FHOD3: variants seen among roughly 807,000 people sequenced by gnomAD.
The protein encoded by FHOD3 is formin homology 2 domain containing 3.
In FHOD3, 90 loss-of-function variants were observed where a neutral mutation model predicts 173.0. That is an observed-to-expected ratio of 0.52 (90% CI 0.44 to 0.62). FHOD3 has a LOEUF of 0.62. Among genes scored for constraint, FHOD3 ranks in the 20% least tolerant of loss-of-function variants. The probability of loss-of-function intolerance (pLI) is 0.00; values close to 1 mark genes in which losing one functional copy is unlikely to be tolerated. For synonymous variants in FHOD3, 828 were observed against 823.0 expected, an observed-to-expected ratio of 1.01 and a Z score of -0.10; for missense variants, 1,945 against 2,034.7, an observed-to-expected ratio of 0.96 and a Z score of 0.85.
chr18:36,572,599 A>G (rs1346351455), intron 5 of FHOD3, among the ~76,000 whole-genome samples: 1 of 152,230 alleles, frequency 6.6e-6, no homozygotes, highest in Non-Finnish European at 1.5e-5. Context: ...CACCTCTTCC[A>G]GTATGATCCA....
chr18:36,779,518 G>C lies in FHOD3; in HGVS notation c.4857G>C (p.Glu1619Asp). ...CCCTGGGCTTGGTTGGCACCTCGGA[G>C]TTGCAGCTGTGACACTCATAGGTTA... ...ARALGLVGTS[E>D]LQL Residue 1619 changes from glutamate (E) to aspartate (D), a missense_variant, in exon 29 of 29, where the codon GAG becomes GAC. Glu to Asp is a conservative substitution (Grantham distance 45). Transcript: ENST00000590592. 6.2e-7 allele frequency: 1 copy of C among 1,614,180 alleles called. No individual in the cohort carries two copies. Among genetic ancestry groups the C allele is most frequent in the Non-Finnish European group, 8.5e-7 (1 of 1,180,026 alleles).
At chr18:36,545,383 A>G (rs946531379) in intron 5 of FHOD3, among the ~76,000 whole-genome samples, 8 of 152,252 alleles carry the variant, frequency 5.3e-5, no homozygotes, top group African/African-American at 1.4e-4. Flanking sequence ...GTGGGCAGAC[A>G]CTATTTATAC....
At position 36,754,956 on chromosome 18, in the gene FHOD3, G is replaced by A. The variant is rs61178236; in HGVS notation, c.4233-163G>A. Among the ~76,000 whole-genome samples, 365 of 148,582 alleles carry A rather than the reference G, an allele frequency of 2.5e-3. 1 individual carries two copies. Among genetic ancestry groups the A allele is most frequent in the African/African-American group, 8.6e-3 (350 of 40,524 alleles). On this transcript the variant is annotated intron_variant, in intron 24 of 28. Transcript: ENST00000590592. The stretch of plus-strand genomic sequence containing the variant: ...ATGAAGGACAGTGTCTTCTTACTGA[G>A]AGTGTGGCTTGTTGGTTTCTTTATT...
intron 5 of FHOD3, among the ~76,000 whole-genome samples, chr18:36,571,785 G>A (rs543849680): frequency 6.6e-6 from 1 of 152,104 alleles, no homozygotes; most frequent in Non-Finnish European, 1.5e-5. Flanking sequence ...GCATTAGTTG[G>A]ACCTATGAAA....
chr18:36,761,704 C>A (rs1022194721), intron 27 of FHOD3, among the ~76,000 whole-genome samples: 1 of 152,114 alleles, frequency 6.6e-6, no homozygotes, highest in Non-Finnish European at 1.5e-5. Flanking sequence ...CTCTTCCATG[C>A]ACTCCAGAGA....
chr18:36,564,660 G>C (rs1274612078), intron 5 of FHOD3, among the ~76,000 whole-genome samples: 3 of 152,196 alleles, frequency 2.0e-5, no homozygotes, highest in Non-Finnish European at 4.4e-5. Context: ...CTGCTGGGAA[G>C]AAAGGTCTAT....
rs529393652 is a variant in FHOD3 at position 36,718,082 on chromosome 18, C to T, written c.2784C>T (p.Val928=). The T allele has an allele frequency of 9.9e-5, 158 of 1,598,166 alleles. No homozygotes were observed. Among genetic ancestry groups the T allele is most frequent in the Non-Finnish European group, 1.2e-4 (139 of 1,171,432 alleles). Residue 928 remains valine (V), a synonymous_variant, in exon 19 of 29, where the codon GTC becomes GTT. Transcript: ENST00000590592. Reference sequence around the variant, plus strand: ...ATGAGAGTGTCAGGAGGGTGGATGTCGGCTGTTTGGACAATCGGGGCAGTG... The same window carrying T: ...ATGAGAGTGTCAGGAGGGTGGATGTTGGCTGTTTGGACAATCGGGGCAGTG... ...TQDESVRRVD[V]GCLDNRGSVK...
chr18:36,453,596 G>A (rs796665799), intron 3 of FHOD3, among the ~76,000 whole-genome samples: 25 of 152,348 alleles, frequency 1.6e-4, no homozygotes, highest in African/African-American at 6.0e-4. Flanking sequence ...AATGTCACAC[G>A]CATGTGCCAA....
At chr18:36,717,685 C>G (rs183583515) in intron 18 of FHOD3, 147 bp from the exon 19 acceptor site, 12 of 1,312,716 alleles carry the variant, frequency 9.1e-6, no homozygotes, top group Non-Finnish European at 1.2e-5. Flanking sequence ...TGCCCAAGAG[C>G]GCCTTGTCAG....
intron 14 of FHOD3, among the ~76,000 whole-genome samples, chr18:36,660,131 T>C (rs560192031): frequency 3.9e-4 from 60 of 152,184 alleles, no homozygotes; most frequent in African/African-American, 1.2e-3. Flanking sequence ...TAGCCGAGTG[T>C]GGTGGTGCAC....
intron 3 of FHOD3, among the ~76,000 whole-genome samples, chr18:36,474,928 G>A (rs570899821): frequency 4.9e-4 from 74 of 151,136 alleles, no homozygotes; most frequent in African/African-American, 1.6e-3. Context: ...GTGACTTTTC[G>A]CTAGTTTTGG....
chr18:36,343,218 T>C (rs1016043905), intron 1 of FHOD3, among the ~76,000 whole-genome samples: 57 of 152,314 alleles, frequency 3.7e-4, no homozygotes, highest in African/African-American at 1.3e-3. Flanking sequence ...AATGTTATAG[T>C]AGTATTATTC....
rs575379380 is a variant in FHOD3 at position 36,763,654 on chromosome 18, C to T, written c.4624+2872C>T. Among the ~76,000 whole-genome samples the T allele has an allele frequency of 5.4e-5, 8 of 146,798 alleles. 1 individual carries two copies. Among genetic ancestry groups the T allele is most frequent in the Admixed American group, 3.4e-4 (5 of 14,636 alleles). On this transcript the variant is annotated intron_variant, in intron 27 of 28. Coordinates refer to ENST00000590592, the MANE Select transcript of FHOD3 (RefSeq NM_001281740.3). The stretch of plus-strand genomic sequence containing the variant: ...ATATATAATATATGTGTATTATACA[C>T]GTTATATATAATATATATGTATTAT...
chr18:36,352,700 G>C (rs1227885281), intron 1 of FHOD3, among the ~76,000 whole-genome samples: 1 of 152,234 alleles, frequency 6.6e-6, no homozygotes, highest in Non-Finnish European at 1.5e-5. Context: ...TTAGGCTCAT[G>C]TGTTTCCAGG....
chr18:36,503,001 G>T (rs907318149), intron 4 of FHOD3, among the ~76,000 whole-genome samples: 2 of 152,152 alleles, frequency 1.3e-5, no homozygotes, highest in South Asian at 2.1e-4. Flanking sequence ...TTGGCAGATG[G>T]TTAATTTCCA....
intron 5 of FHOD3, among the ~76,000 whole-genome samples, chr18:36,523,565 T>G (rs1480806862): frequency 6.6e-6 from 1 of 152,220 alleles, no homozygotes; most frequent in Non-Finnish European, 1.5e-5. Context: ...AGACATGATT[T>G]GGTTCTTCTG....
chr18:36,354,128 A>G (rs2046253819), intron 1 of FHOD3, among the ~76,000 whole-genome samples: 1 of 152,196 alleles, frequency 6.6e-6, no homozygotes, highest in Non-Finnish European at 1.5e-5. Context: ...GGTGTTGGCA[A>G]ACACATTTGC....
intron 3 of FHOD3, among the ~76,000 whole-genome samples, chr18:36,485,247 G>GC (rs1302509112): frequency 4.6e-5 from 7 of 152,218 alleles, no homozygotes; most frequent in Non-Finnish European, 8.8e-5. Context: ...CGATGAGCCT[G>GC]CTGGGATCCA....
chr18:36,363,011 C>T (rs1465473817), intron 2 of FHOD3, among the ~76,000 whole-genome samples: 1 of 152,108 alleles, frequency 6.6e-6, no homozygotes, highest in East Asian at 1.9e-4. Context: ...CTAAAGAAGA[C>T]ATTCAGATGG....
Sources: gnomAD v4.1 joint callset for allele counts (sites outside exome capture counted in the v4.1 genomes callset) on GRCh38, gnomAD v4.1.1 for gene constraint, MANE v1.5 for transcripts, NCBI Gene and HGNC (gene_info 2026-07-23, HGNC 2026-07-21) for gene names.